The following AOPEP variants were observed in gnomAD, a reference collection of about 807,000 sequenced individuals.
The protein encoded by AOPEP is aminopeptidase O (putative).
In AOPEP, 77 loss-of-function variants were observed where a neutral mutation model predicts 98.1. That is an observed-to-expected ratio of 0.78 (90% CI 0.65 to 0.95). AOPEP has a LOEUF of 0.95. AOPEP is among the 40% of genes least tolerant of loss of function. The pLI, the probability that AOPEP is intolerant of heterozygous loss-of-function variation, is 0.00. For synonymous variants in AOPEP, 346 were observed against 365.3 expected (o/e 0.95, Z 0.60); for missense variants, 1,024 against 1,024.7 (o/e 1.00, Z 0.01).
At chr9:94,911,029 G>A (rs1305040884) in intron 5 of AOPEP, among the ~76,000 whole-genome samples, 1 of 152,106 alleles carries the variant, frequency 6.6e-6, no homozygotes, top group Non-Finnish European at 1.5e-5. Flanking sequence ...ACTACTTAAG[G>A]TATTATCACT....
intron 1 of AOPEP, among the ~76,000 whole-genome samples, chr9:94,735,441 C>T (rs1052282640): frequency 2.6e-5 from 4 of 152,082 alleles, no homozygotes; most frequent in South Asian, 2.1e-4. Context: ...AGGATGGTCT[C>T]GATCTCCCGA....
rs369114160 is a variant in AOPEP at position 94,906,482 on chromosome 9, T to TAAA, written c.1365-17499_1365-17497dup. Among the ~76,000 whole-genome samples the TAAA allele has an allele frequency of 2.5e-4, 24 of 95,444 alleles. No individual in the cohort carries two copies. In the South Asian group the frequency reaches 7.3e-3, roughly 29 times the overall value. The allele number at this position is 95,444 out of a possible 152,430, so 62.6% of individuals were successfully genotyped here. ...ATAATAATAATAATAATAATAATAA[T>TAAA]AAAAAAACAGACCCCCTCTCTATAA... On this transcript the variant is annotated intron_variant, in intron 5 of 16. Coordinates refer to ENST00000375315, the MANE Select transcript of AOPEP (RefSeq NM_001193329.3).
At chr9:95,028,168 A>G (rs1304742156) in intron 13 of AOPEP, among the ~76,000 whole-genome samples, 1 of 152,226 alleles carries the variant, frequency 6.6e-6, no homozygotes, top group Non-Finnish European at 1.5e-5. Flanking sequence ...AGTGACAGAG[A>G]TGATTTTCTT....
At chr9:94,857,756 G>A (rs2044404880) in intron 5 of AOPEP, among the ~76,000 whole-genome samples, 1 of 152,114 alleles carries the variant, frequency 6.6e-6, no homozygotes, top group African/African-American at 2.4e-5. Flanking sequence ...TCATTTCATG[G>A]AATGTGATTA....
intron 5 of AOPEP, among the ~76,000 whole-genome samples, chr9:94,874,308 C>G (rs949718896): frequency 3.9e-5 from 6 of 152,000 alleles, no homozygotes; most frequent in Admixed American, 3.9e-4. Context: ...ATCCCACTTT[C>G]AGAGGTTTTT....
At chr9:95,135,498 T>C in the AOPEP span, 1 of 1,613,926 alleles carries the variant, frequency 6.2e-7, no homozygotes, top group East Asian at 2.2e-5. Flanking sequence ...AGAGAAATCT[T>C]CTTCCTTTCA....
At chr9:95,035,605 G>A (rs1050951468) in intron 13 of AOPEP, among the ~76,000 whole-genome samples, 22 of 136,196 alleles carry the variant, frequency 1.6e-4, no homozygotes, top group African/African-American at 5.1e-4. Flanking sequence ...CGCAACCTCC[G>A]GCTCCTGGGT....
At chr9:94,829,612 C>T (rs996554737) in intron 5 of AOPEP, among the ~76,000 whole-genome samples, 2 of 152,114 alleles carry the variant, frequency 1.3e-5, no homozygotes, top group South Asian at 2.1e-4. Flanking sequence ...CTTTTTCTAC[C>T]GAAATTCTCT....
chr9:94,727,405 C>T (rs571124217), intron 1 of AOPEP, among the ~76,000 whole-genome samples: 4 of 152,196 alleles, frequency 2.6e-5, no homozygotes, highest in Non-Finnish European at 5.9e-5. Context: ...AATAGCATTG[C>T]ATAAAATGCC....
At chr9:94,957,190 G>A (rs192463723) in intron 9 of AOPEP, among the ~76,000 whole-genome samples, 3 of 152,046 alleles carry the variant, frequency 2.0e-5, no homozygotes, top group African/African-American at 7.2e-5. Context: ...TCAGTTCTTC[G>A]TTTGCTTCTC....
At chr9:95,110,451 G>A in the AOPEP span, 3 of 1,027,596 alleles carry the variant, frequency 2.9e-6, no homozygotes, top group East Asian at 1.3e-4. Flanking sequence ...CTTTTAAAGG[G>A]GAAGAAATAA....
intron 5 of AOPEP, among the ~76,000 whole-genome samples, chr9:94,921,921 C>A (rs2053668370): frequency 6.6e-6 from 1 of 152,124 alleles, no homozygotes; most frequent in African/African-American, 2.4e-5. Context: ...ACCCCCGACT[C>A]AGAAGAAAGG....
intron 13 of AOPEP, among the ~76,000 whole-genome samples, chr9:95,028,595 T>C (rs989783449): frequency 6.6e-6 from 1 of 152,232 alleles, no homozygotes; most frequent in African/African-American, 2.4e-5. Context: ...GTTGAATTTT[T>C]CCAAGAGTTA....
intron 3 of AOPEP, among the ~76,000 whole-genome samples, chr9:94,792,172 A>G (rs1845871738): frequency 6.6e-6 from 1 of 152,260 alleles, no homozygotes; most frequent in Admixed American, 6.5e-5. Context: ...AAGGAGTGGA[A>G]GACCAGCTAA....
chr9:94,995,738 G>C (rs2061179302), intron 11 of AOPEP, among the ~76,000 whole-genome samples: 1 of 152,126 alleles, frequency 6.6e-6, no homozygotes, highest in Admixed American at 6.5e-5. Flanking sequence ...GATTTAATAA[G>C]ATTCTAACAT....
the AOPEP span, chr9:95,111,392 C>A: frequency 1.3e-6 from 2 of 1,596,948 alleles, no homozygotes; most frequent in Non-Finnish European, 1.7e-6. Context: ...CACAACAGAG[C>A]CCCTCTCTGC....
At chr9:94,901,357 G>A (rs1318822967) in intron 5 of AOPEP, among the ~76,000 whole-genome samples, 1 of 152,026 alleles carries the variant, frequency 6.6e-6, no homozygotes, top group Non-Finnish European at 1.5e-5. Context: ...TCACCTAATA[G>A]TATAGTATAG....
chr9:94,978,754 T>G (rs2060000401), intron 10 of AOPEP, among the ~76,000 whole-genome samples: 1 of 152,176 alleles, frequency 6.6e-6, no homozygotes, highest in African/African-American at 2.4e-5. Flanking sequence ...TAAGGAGTAC[T>G]CAAGTCAGCG....
At chr9:94,827,758 G>A (rs1854969905) in intron 5 of AOPEP, among the ~76,000 whole-genome samples, 2 of 152,090 alleles carry the variant, frequency 1.3e-5, no homozygotes, top group South Asian at 2.1e-4. Flanking sequence ...AGTTATCCTC[G>A]TCCCAGTGGG....
Sources: allele counts gnomAD v4.1 joint callset (sites outside exome capture counted in the v4.1 genomes callset), GRCh38; gene constraint gnomAD v4.1.1; transcripts MANE v1.5; gene names NCBI Gene and HGNC (gene_info 2026-07-23, HGNC 2026-07-21).